The following VIT variants were observed in gnomAD, a reference collection of about 807,000 sequenced individuals.
VIT encodes the protein vitrin.
Under a neutral mutation model 78.0 loss-of-function variants are expected in VIT, and 99 were observed. The observed-to-expected ratio is 1.27, with a 90% CI of 1.08 to 1.50. The LOEUF (loss-of-function observed/expected upper bound fraction) is 1.50, where lower values mean the gene tolerates loss of function less well. Among genes scored for constraint, VIT ranks in the 40% most tolerant of loss-of-function variants. VIT has a pLI of 0.00. For missense variants in VIT, 1,126 were observed against 875.3 expected (o/e 1.29, Z -3.61); for synonymous variants, 374 against 334.3 (o/e 1.12, Z -1.29).
chr2:36,713,838 G>A (rs923555733), intron 1 of VIT, among the ~76,000 whole-genome samples: 11 of 152,194 alleles, frequency 7.2e-5, no homozygotes, highest in African/African-American at 2.2e-4. Context: ...AGGTGGGTCC[G>A]ATAGGACAAC....
chr2:36,716,829 C>T (rs893497751), intron 2 of VIT, among the ~76,000 whole-genome samples: 4 of 147,508 alleles, frequency 2.7e-5, no homozygotes, highest in African/African-American at 5.0e-5. Flanking sequence ...TGACATGGCT[C>T]TACCTATAGC....
chr2:36,778,657 C>A (rs1023615746), intron 9 of VIT, among the ~76,000 whole-genome samples: 1 of 152,228 alleles, frequency 6.6e-6, no homozygotes, highest in African/African-American at 2.4e-5. Flanking sequence ...AGACTGTCCT[C>A]AGCCTTCTCT....
intron 11 of VIT, among the ~76,000 whole-genome samples, chr2:36,786,078 C>A (rs1005805933): frequency 3.9e-5 from 6 of 152,142 alleles, no homozygotes; most frequent in Admixed American, 2.6e-4. Flanking sequence ...AGGTGCAGGT[C>A]CGTCTGGCCG....
intron 11 of VIT, among the ~76,000 whole-genome samples, chr2:36,785,400 C>G (rs1665025465): frequency 2.0e-5 from 3 of 151,800 alleles, no homozygotes; most frequent in Non-Finnish European, 4.4e-5. Flanking sequence ...GCAAGCCCCG[C>G]CAGAAAAAAA....
chr2:36,777,281 G>A (rs1670133249), intron 9 of VIT, among the ~76,000 whole-genome samples: 1 of 151,482 alleles, frequency 6.6e-6, no homozygotes, highest in African/African-American at 2.4e-5. Flanking sequence ...AGCATAAGAA[G>A]GCTGAGAACC....
intron 3 of VIT, among the ~76,000 whole-genome samples, chr2:36,738,679 A>C (rs1407015741): frequency 1.3e-5 from 2 of 152,232 alleles, no homozygotes; most frequent in African/African-American, 2.4e-5. Flanking sequence ...AAAAGATAGT[A>C]ACATTCAAAC....
At chr2:36,718,604 C>G (rs1203562719) in intron 2 of VIT, among the ~76,000 whole-genome samples, 1 of 152,184 alleles carries the variant, frequency 6.6e-6, no homozygotes, top group East Asian at 1.9e-4. Flanking sequence ...CCTCTCTTCA[C>G]TTTGGATAGG....
chr2:36,770,388 G>T (rs1009012298), intron 7 of VIT, among the ~76,000 whole-genome samples: 6 of 152,198 alleles, frequency 3.9e-5, no homozygotes, highest in African/African-American at 1.4e-4. Flanking sequence ...TCAAGGGAGA[G>T]CGGAAAGTAC....
intron 4 of VIT, among the ~76,000 whole-genome samples, chr2:36,752,602 A>G (rs1211285906): frequency 1.3e-5 from 2 of 152,172 alleles, no homozygotes; most frequent in Non-Finnish European, 2.9e-5. Flanking sequence ...CCAAATTACC[A>G]TGGCTCTGAG....
chr2:36,805,808 C>T (rs1001704680), intron 14 of VIT, 144 bp downstream of exon 14: 9 of 849,410 alleles, frequency 1.1e-5, no homozygotes, highest in Admixed American at 6.0e-5. Flanking sequence ...AGGGACTGGT[C>T]AATCCGAAAC....
intron 2 of VIT, among the ~76,000 whole-genome samples, chr2:36,726,894 G>A (rs1573161605): frequency 6.6e-6 from 1 of 151,338 alleles, no homozygotes; most frequent in East Asian, 2.0e-4. Flanking sequence ...GGAGAAAGGG[G>A]GTGGGGAGAA....
intron 9 of VIT, among the ~76,000 whole-genome samples, chr2:36,775,751 C>T (rs745362994): frequency 2.0e-5 from 3 of 148,522 alleles, no homozygotes; most frequent in Non-Finnish European, 4.4e-5. Context: ...CTCTGAGTGC[C>T]TCAGAGTCTC....
intron 10 of VIT, among the ~76,000 whole-genome samples, chr2:36,782,314 C>T (rs991713064): frequency 2.6e-5 from 4 of 152,164 alleles, no homozygotes; most frequent in Non-Finnish European, 4.4e-5. Flanking sequence ...AGTCTTGGGG[C>T]GTTTCCACGA....
At chr2:36,702,867 C>T (rs1665152957) in intron 1 of VIT, among the ~76,000 whole-genome samples, 3 of 152,168 alleles carry the variant, frequency 2.0e-5, no homozygotes, top group Admixed American at 6.5e-5. Context: ...GAAATAAATC[C>T]GTTCTGTCTG....
At chr2:36,700,889 A>G (rs949484927) in intron 1 of VIT, among the ~76,000 whole-genome samples, 1 of 152,054 alleles carries the variant, frequency 6.6e-6, no homozygotes, top group Non-Finnish European at 1.5e-5. Context: ...TATACAGATG[A>G]AAAAAACGAA....
intron 5 of VIT, 125 bp from the exon 6 acceptor site, chr2:36,758,844 G>C (rs1164272365): frequency 1.8e-5 from 15 of 835,462 alleles, no homozygotes; most frequent in Non-Finnish European, 2.7e-5. Flanking sequence ...TATTCAGCAT[G>C]AGGGAGACTG....
chr2:36,774,995 C>T lies in VIT; in HGVS notation c.737-7C>T. 1 of 1,614,076 alleles carries T rather than the reference C, an allele frequency of 6.2e-7. No homozygotes were observed. Among genetic ancestry groups the T allele is most frequent in the Non-Finnish European group, 8.5e-7 (1 of 1,179,974 alleles). ...GTAAATCGGCTGACCCTGTGTAATCCCCTCAGGTATCCAAAGGCAAGATCC... is the reference window on the plus strand; with the variant it reads ...GTAAATCGGCTGACCCTGTGTAATCTCCTCAGGTATCCAAAGGCAAGATCC... On this transcript the variant is annotated splice_polypyrimidine_tract_variant and splice_region_variant and intron_variant, in intron 8 of 15. Transcript: ENST00000379242.
rs780868654 is a variant in VIT, at chr2:36,787,253, A to G, written c.1035A>G (p.Pro345=). The G allele has an allele frequency of 6.2e-7, 1 of 1,614,190 alleles. No individual in the cohort carries two copies. Among genetic ancestry groups the G allele is most frequent in the Admixed American group, 1.7e-5 (1 of 60,024 alleles). The part of the protein sequence containing the change: ...AQALDIGPAG[P]LMGVVQYGDN... ...CTCTTGACATTGGCCCTGCCGGTCCACTGATGGGTGTTGTCCAGTATGGGT... is the reference window on the plus strand; with the variant it reads ...CTCTTGACATTGGCCCTGCCGGTCCGCTGATGGGTGTTGTCCAGTATGGGT... The change falls in exon 12 of 16, where the codon CCA becomes CCG. Residue 345 remains proline (P), a synonymous_variant. Transcript: ENST00000379242.
intron 2 of VIT, among the ~76,000 whole-genome samples, chr2:36,720,653 C>A (rs11124533): frequency 0.53 from 80,626 of 152,024 alleles, 21,598 homozygotes; most frequent in Admixed American, 0.63. Context: ...GGAAGCAGAA[C>A]GTAGAACAAT....
Sources: gnomAD v4.1 joint callset for allele counts (sites outside exome capture counted in the v4.1 genomes callset) on GRCh38, gnomAD v4.1.1 for gene constraint, MANE v1.5 for transcripts, NCBI Gene and HGNC (gene_info 2026-07-23, HGNC 2026-07-21) for gene names.